CAST: variants seen among roughly 807,000 people sequenced by gnomAD.
CAST encodes calpastatin, also known as MIR583 host.
In CAST, 76 loss-of-function variants were observed where a neutral mutation model predicts 119.6. That is an observed-to-expected ratio of 0.64 (90% CI 0.53 to 0.77). CAST has a LOEUF of 0.77. Ranked by LOEUF, CAST falls within the 30% of genes least tolerant of loss-of-function variation. The pLI, the probability that CAST is intolerant of heterozygous loss-of-function variation, is 0.00. For missense variants in CAST, 953 were observed against 946.5 expected (o/e 1.01, Z -0.09); for synonymous variants, 319 against 331.6 (o/e 0.96, Z 0.41).
the CAST span, among the ~76,000 whole-genome samples, chr5:96,147,185 TTTA>T: frequency 1.3e-5 from 2 of 152,244 alleles, no homozygotes; most frequent in African/African-American, 2.4e-5. Flanking sequence ...TTTTTAAATA[TTTA>T]TTATCATCTG....
the CAST span, among the ~76,000 whole-genome samples, chr5:96,155,637 C>T: frequency 6.6e-6 from 1 of 152,156 alleles, no homozygotes; most frequent in Non-Finnish European, 1.5e-5. Flanking sequence ...CATTTTCCTA[C>T]GTTCTCACCT....
the CAST span, among the ~76,000 whole-genome samples, chr5:96,190,447 A>T: frequency 7.5e-4 from 114 of 152,232 alleles, 2 homozygotes; most frequent in East Asian, 6.0e-3. Flanking sequence ...CCTTCCACAG[A>T]GTTCCCACTG....
the CAST span, among the ~76,000 whole-genome samples, chr5:96,322,831 C>A: frequency 2.0e-5 from 3 of 152,124 alleles, no homozygotes; most frequent in East Asian, 5.8e-4. Flanking sequence ...AATGCTTTCC[C>A]CCAACTCCAC....
the CAST span, among the ~76,000 whole-genome samples, chr5:96,265,709 C>A: frequency 6.6e-6 from 1 of 152,160 alleles, no homozygotes; most frequent in African/African-American, 2.4e-5. Flanking sequence ...CTGGGCATCC[C>A]TTAGCCTAGT....
chr5:96,574,735 T>C (rs1469961378), intron 1 of CAST, among the ~76,000 whole-genome samples: 1 of 152,224 alleles, frequency 6.6e-6, no homozygotes, highest in African/African-American at 2.4e-5. Flanking sequence ...CTTGCCTATG[T>C]TCATCTTTTT....
the CAST span, chr5:96,379,745 A>G: frequency 1.3e-5 from 2 of 152,214 alleles, no homozygotes; most frequent in East Asian, 3.8e-4. Flanking sequence ...TATAGCATAC[A>G]TAGAATTTAT....
the CAST span, among the ~76,000 whole-genome samples, chr5:96,430,162 A>T: frequency 6.6e-6 from 1 of 152,210 alleles, no homozygotes; most frequent in African/African-American, 2.4e-5. Flanking sequence ...CATTTAGGGC[A>T]GTTGTCCCAC....
At chr5:95,961,913 C>T in the CAST span, 1 of 697,728 alleles carries the variant, frequency 1.4e-6, no homozygotes, top group Non-Finnish European at 2.2e-6. Flanking sequence ...GCCCCGCGCC[C>T]CGCCCCGGGC....
At chr5:96,251,116 G>T in the CAST span, among the ~76,000 whole-genome samples, 4 of 152,254 alleles carry the variant, frequency 2.6e-5, no homozygotes, top group Admixed American at 6.5e-5. Context: ...TTTACCAAGG[G>T]TCCTTACCTG....
chr5:96,750,367 G>A (rs977056998), intron 19 of CAST, among the ~76,000 whole-genome samples: 1 of 152,090 alleles, frequency 6.6e-6, no homozygotes, highest in Non-Finnish European at 1.5e-5. Context: ...ACGAGTTTCA[G>A]TAACCTGCCT....
chr5:96,431,120 C>G, the CAST span, among the ~76,000 whole-genome samples: 1 of 152,158 alleles, frequency 6.6e-6, no homozygotes, highest in East Asian at 1.9e-4. Flanking sequence ...CCCCATAGGT[C>G]ATACATGATT....
chr5:96,304,065 A>C, the CAST span, among the ~76,000 whole-genome samples: 5 of 152,224 alleles, frequency 3.3e-5, no homozygotes, highest in African/African-American at 1.2e-4. Context: ...CATTCCCACC[A>C]ACAGTGTAAA....
At chr5:96,555,096 T>C (rs969128876) in intron 1 of CAST, among the ~76,000 whole-genome samples, 1 of 152,244 alleles carries the variant, frequency 6.6e-6, no homozygotes, top group African/African-American at 2.4e-5. Context: ...TAAAGGCAGA[T>C]GCACACGTAT....
At chr5:96,513,099 T>A in the CAST span, among the ~76,000 whole-genome samples, 1 of 152,208 alleles carries the variant, frequency 6.6e-6, no homozygotes, top group Non-Finnish European at 1.5e-5. Flanking sequence ...CATTCTCGGG[T>A]CCTGATTATC....
the CAST span, among the ~76,000 whole-genome samples, chr5:96,388,057 T>C: frequency 6.6e-6 from 1 of 152,168 alleles, no homozygotes; most frequent in Non-Finnish European, 1.5e-5. Context: ...ATGGGGTGCA[T>C]ATGGATGTGG....
chr5:96,515,248 T>A, the CAST span, among the ~76,000 whole-genome samples: 1 of 151,556 alleles, frequency 6.6e-6, no homozygotes, highest in Admixed American at 6.6e-5. Flanking sequence ...TAATTAGACA[T>A]AAGTTGGTAG....
At chr5:96,464,626 G>T in the CAST span, among the ~76,000 whole-genome samples, 1 of 152,020 alleles carries the variant, frequency 6.6e-6, no homozygotes, top group African/African-American at 2.4e-5. Context: ...ATCAATCTTG[G>T]TTGAAATGAC....
At chr5:96,148,439 T>C in the CAST span, among the ~76,000 whole-genome samples, 1 of 152,224 alleles carries the variant, frequency 6.6e-6, no homozygotes, top group Non-Finnish European at 1.5e-5. Context: ...ATTAGAATCT[T>C]CATAAGCTTT....
the CAST span, among the ~76,000 whole-genome samples, chr5:96,114,607 T>C: frequency 6.6e-6 from 1 of 152,210 alleles, no homozygotes; most frequent in African/African-American, 2.4e-5. Flanking sequence ...ATATGATCAT[T>C]GAACCACATG....
Sources: gnomAD v4.1 joint callset for allele counts (sites outside exome capture counted in the v4.1 genomes callset) on GRCh38, gnomAD v4.1.1 for gene constraint, MANE v1.5 for transcripts, NCBI Gene and HGNC (gene_info 2026-07-23, HGNC 2026-07-21) for gene names.